Variants in FSIP2 observed in about 807,000 individuals in gnomAD.
FSIP2 encodes fibrous sheath interacting protein 2.
Under a neutral mutation model 510.5 loss-of-function variants are expected in FSIP2, and 367 were observed. The ratio of observed to expected loss-of-function variants is 0.72; its 90% CI spans 0.66 to 0.78. The LOEUF (loss-of-function observed/expected upper bound fraction) is 0.78. Among genes scored for constraint, FSIP2 ranks in the 30% least tolerant of loss-of-function variants. The pLI, the probability that FSIP2 is intolerant of heterozygous loss-of-function variation, is 0.00. For missense variants in FSIP2, 7,594 were observed against 7,901.7 expected, an observed-to-expected ratio of 0.96 and a Z score of 1.48; for synonymous variants, 2,601 against 2,732.2, an observed-to-expected ratio of 0.95 and a Z score of 1.50.
In FSIP2 at chr2:185,808,708, G is replaced by A; in HGVS notation, c.19402G>A (p.Asp6468Asn). The change falls in exon 17 of 23, where the codon GAT becomes AAT. Residue 6468 changes from aspartate to asparagine, a missense_variant. Physicochemically the swap from Asp to Asn is conservative, Grantham distance 23 (BLOSUM62 1). Transcript: ENST00000424728. ...IIDGVSSFPL[D>N]TINSTISNAD... is the part of the protein sequence containing the mutation. ...TGATGGAGTTTCAAGTTTTCCATTA[G>A]ATACAATTAACTCAACAATTTCAAA... The A allele has an allele frequency of 1.2e-6, 2 of 1,611,720 alleles. No homozygotes were observed. The highest frequency in any genetic ancestry group is 1.7e-6 in the Non-Finnish European group (2 of 1,178,772).
At position 185,803,818 on chromosome 2, in the gene FSIP2, T is replaced by C; in HGVS notation, c.14512T>C (p.Ser4838Pro). The change falls in exon 17 of 23, where the codon TCA becomes CCA. Residue 4838 changes from serine (S) to proline (P), a missense_variant. Physicochemically the swap from Ser to Pro is moderately conservative, Grantham distance 74. Coordinates refer to ENST00000424728, the MANE Select transcript of FSIP2 (RefSeq NM_173651.4). Reference protein sequence around the residue: ...KLINEIMSIISKHEICIIKYG... With the variant: ...KLINEIMSIIPKHEICIIKYG... Reference sequence around the variant, plus strand: ...GATAAATGAAATTATGTCAATAATTTCAAAACATGAAATATGTATTATTAA... The same window carrying C: ...GATAAATGAAATTATGTCAATAATTCCAAAACATGAAATATGTATTATTAA... 6.6e-7 allele frequency: 1 copy of C among 1,507,628 alleles called. No individual in the cohort carries two copies. Among genetic ancestry groups the C allele is most frequent in the Non-Finnish European group, 8.8e-7 (1 of 1,130,936 alleles). The allele number at this position is 1,507,628 out of a possible 1,614,324, so 93.4% of individuals were successfully genotyped here. A position where few individuals can be genotyped will look rare whatever the true frequency, so the allele number is the denominator to read the frequency against.
chr2:185,759,637 ATTG>A (rs1268210477), intron 9 of FSIP2, among the ~76,000 whole-genome samples: 3 of 146,114 alleles, frequency 2.1e-5, no homozygotes, highest in Non-Finnish European at 3.0e-5. Context: ...TATTAATAAT[ATTG>A]TTATATATTA....
chr2:185,784,965 C>T (rs1692933308), intron 14 of FSIP2, among the ~76,000 whole-genome samples: 1 of 152,034 alleles, frequency 6.6e-6, no homozygotes, highest in Non-Finnish European at 1.5e-5. Context: ...ATCAATGAAG[C>T]TTTTTCAGTT....
rs1574179993 is a variant in FSIP2, at chr2:185,789,035, G to C, written c.1899G>C (p.Leu633Phe). ...ISKHKYNKTNLLYSYPKLRSC... is the reference protein window; with the variant it reads ...ISKHKYNKTNFLYSYPKLRSC... ...AACATAAATATAATAAAACCAACTT[G>C]CTATATTCATACCCTAAGCTCAGAA... Residue 633 changes from leucine (L) to phenylalanine (F), a missense_variant, in exon 16 of 23, where the codon TTG becomes TTC. Leu to Phe is a conservative substitution (Grantham distance 22). Coordinates refer to ENST00000424728, the MANE Select transcript of FSIP2 (RefSeq NM_173651.4). 6.5e-7 allele frequency: 1 copy of C among 1,533,824 alleles called. No homozygotes were observed. The highest frequency in any genetic ancestry group is 1.4e-5 in the African/African-American group (1 of 72,850).
Position 185,813,773 on chromosome 2 carries a change from C to A in FSIP2, c.20056C>A (p.Gln6686Lys). Residue 6686 changes from glutamine (Q) to lysine (K), a missense_variant, in exon 18 of 23, where the codon CAA (glutamine) becomes AAA (lysine). Physicochemically the swap from Gln to Lys is moderately conservative, Grantham distance 53 (BLOSUM62 1). Transcript: ENST00000424728. ...KEEGIKVFED[Q>K]VKEVKKPIQS... ...AGAAGGCATCAAAGTATTTGAAGAT[C>A]AAGTGAAAGAAGTCAAGAAGCCAAT... 6.2e-7 allele frequency: 1 copy of A among 1,613,166 alleles called. No homozygotes were observed. Among genetic ancestry groups the A allele is most frequent in the South Asian group, 1.1e-5 (1 of 91,046 alleles).
Position 185,804,292 on chromosome 2 carries a change from T to C in FSIP2, c.14986T>C (p.Phe4996Leu). The C allele has an allele frequency of 6.6e-7, 1 of 1,524,912 alleles. No individual in the cohort carries two copies. The highest frequency in any genetic ancestry group is 1.2e-5 in the South Asian group (1 of 81,680). The allele number at this position is 1,524,912 out of a possible 1,614,324, so 94.5% of individuals were successfully genotyped here. ...ATTGGTAAATTCAATTGTTCTGGAG[T>C]TCACCACATCAGAGATTTTAGTTGC... is the stretch of plus-strand genomic sequence containing the variant. The part of the protein sequence containing the change: ...TTLVNSIVLE[F>L]TTSEILVADN... Residue 4996 changes from phenylalanine (F) to leucine (L), a missense_variant, in exon 17 of 23, where the codon TTC (phenylalanine) becomes CTC (leucine). Phe to Leu is a conservative substitution (Grantham distance 22). Coordinates refer to ENST00000424728, the MANE Select transcript of FSIP2 (RefSeq NM_173651.4).
intron 19 of FSIP2, among the ~76,000 whole-genome samples, chr2:185,820,392 C>A (rs1207809580): frequency 6.6e-6 from 1 of 151,810 alleles, no homozygotes; most frequent in Non-Finnish European, 1.5e-5. Flanking sequence ...ATTACCCAGT[C>A]TCAGGCAGAC....
Position 185,808,353 on chromosome 2 carries a change from A to G in FSIP2, c.19047A>G (p.Glu6349=). Residue 6349 remains glutamate, a synonymous_variant, in exon 17 of 23, where the codon GAA becomes GAG. Transcript: ENST00000424728. ...KGLTLDAKLL[E]EVLALFLAKL... ...TGACATTAGATGCCAAACTTTTAGA[A>G]GAGGTGTTGGCCTTGTTCTTGGCTA... 1 of 1,611,248 alleles carries G rather than the reference A, an allele frequency of 6.2e-7. No homozygotes were observed. Among genetic ancestry groups the G allele is most frequent in the Non-Finnish European group, 8.5e-7 (1 of 1,179,058 alleles).
chr2:185,767,662 T>G (rs1692517339), intron 13 of FSIP2, among the ~76,000 whole-genome samples: 1 of 152,174 alleles, frequency 6.6e-6, no homozygotes, highest in Non-Finnish European at 1.5e-5. Flanking sequence ...TATCTGTCTG[T>G]CTGTCTGTCT....
rs1010176379 is a variant in FSIP2 at position 185,804,848 on chromosome 2, G to T, written c.15542G>T (p.Ser5181Ile). 1 of 1,530,630 alleles carries T rather than the reference G, an allele frequency of 6.5e-7. No individual in the cohort carries two copies. The highest frequency in any genetic ancestry group is 8.7e-7 in the Non-Finnish European group (1 of 1,144,256). 94.8% of individuals were successfully genotyped at this position (1,530,630 alleles called of 1,614,324 possible). The change falls in exon 17 of 23, where the codon AGT becomes ATT. Residue 5181 changes from serine to isoleucine, a missense_variant. Transcript: ENST00000424728. ...TCCATGGCAGAGGATAATGCAGAAA[G>T]TATGCAGTTAGAACCTATTGAAAAT... Reference protein sequence around the residue: ...RLSMAEDNAESMQLEPIENLV... With the variant: ...RLSMAEDNAEIMQLEPIENLV...
chr2:185,829,720 T>C (rs1318000729), intron 21 of FSIP2, among the ~76,000 whole-genome samples: 3 of 151,912 alleles, frequency 2.0e-5, no homozygotes, highest in Admixed American at 6.6e-5. Flanking sequence ...CTGAGGATTA[T>C]TGATTGAACT....
Position 185,807,799 on chromosome 2 carries a change from C to A in FSIP2, c.18493C>A (p.Leu6165Ile), listed in dbSNP as rs2105655418. 1 of 1,612,570 alleles carries A rather than the reference C, an allele frequency of 6.2e-7. No homozygotes were observed. The highest frequency in any genetic ancestry group is 8.5e-7 in the Non-Finnish European group (1 of 1,179,204). ...TGTTTTCCAAACTACTGATGTGCCC[C>A]TACCTAAACCTTCACATGCTGATAA... is the stretch of plus-strand genomic sequence containing the variant. ...KDVFQTTDVPLPKPSHADKLS... is the reference protein window; with the variant it reads ...KDVFQTTDVPIPKPSHADKLS... Residue 6165 changes from leucine to isoleucine, a missense_variant, in exon 17 of 23, where the codon CTA (leucine) becomes ATA (isoleucine). Physicochemically the swap from Leu to Ile is conservative, Grantham distance 5. Coordinates refer to ENST00000424728, the MANE Select transcript of FSIP2 (RefSeq NM_173651.4).
In FSIP2 at chr2:185,792,297, G is replaced by A. The variant is rs1693154787; in HGVS notation, c.5161G>A (p.Ala1721Thr). Residue 1721 changes from alanine to threonine, a missense_variant, in exon 16 of 23, where the codon GCT (alanine) becomes ACT (threonine). Physicochemically the swap from Ala to Thr is moderately conservative, Grantham distance 58. Coordinates refer to ENST00000424728, the MANE Select transcript of FSIP2 (RefSeq NM_173651.4). ...RPTYGSLPGG[A>T]ESDSFLEDDA... ...AACATATGGAAGTCTTCCTGGAGGA[G>A]CTGAATCAGATTCATTTCTAGAAGA... is the stretch of plus-strand genomic sequence containing the variant. 5.2e-6 allele frequency: 8 copies of A among 1,531,462 alleles called. No individual in the cohort carries two copies. The East Asian group carries it at 1.5e-4, about 28-fold the overall frequency. The allele number at this position is 1,531,462 out of a possible 1,614,324, so 94.9% of individuals were successfully genotyped here. A position where few individuals can be genotyped will look rare whatever the true frequency, so the allele number is the denominator to read the frequency against.
In FSIP2 at chr2:185,789,787, T is replaced by C; in HGVS notation, c.2651T>C (p.Val884Ala). ...SLESDEASLIVNEEVQNLISN... is the reference protein window; with the variant it reads ...SLESDEASLIANEEVQNLISN... ...GAATCTGATGAAGCTAGTTTAATTG[T>C]CAATGAAGAAGTACAAAATTTAATA... is the stretch of plus-strand genomic sequence containing the variant. Residue 884 changes from valine (V) to alanine (A), a missense_variant, in exon 16 of 23, where the codon GTC becomes GCC. By Grantham distance (64) the Val-to-Ala change is moderately conservative. Coordinates refer to ENST00000424728, the MANE Select transcript of FSIP2 (RefSeq NM_173651.4). 6.5e-7 allele frequency: 1 copy of C among 1,534,078 alleles called. No homozygotes were observed. The highest frequency in any genetic ancestry group is 1.4e-5 in the African/African-American group (1 of 73,042).
intron 8 of FSIP2, among the ~76,000 whole-genome samples, chr2:185,755,226 A>G (rs1692221294): frequency 6.6e-6 from 1 of 151,532 alleles, no homozygotes; most frequent in Admixed American, 6.6e-5. Context: ...TGTCTTAATC[A>G]TTTATAATAG....
Position 185,824,427 on chromosome 2 carries a change from G to A in FSIP2, c.20427-7G>A. On this transcript the variant is annotated splice_polypyrimidine_tract_variant and splice_region_variant and intron_variant, in intron 19 of 22. Transcript: ENST00000424728. ...CCCTAAATGATGTTCTTTTTCTTTT[G>A]TTTTAGTGAGGCTGAAGATTGTCAC... is the stretch of plus-strand genomic sequence containing the variant. 2 of 1,578,932 alleles carry A rather than the reference G, an allele frequency of 1.3e-6. No individual in the cohort carries two copies. Among genetic ancestry groups the A allele is most frequent in the Non-Finnish European group, 8.6e-7 (1 of 1,158,724 alleles).
chr2:185,771,194 C>T (rs1692600783), intron 13 of FSIP2, among the ~76,000 whole-genome samples: 1 of 152,146 alleles, frequency 6.6e-6, no homozygotes, highest in African/African-American at 2.4e-5. Flanking sequence ...GGTGGCTGTA[C>T]CATGCTGGGA....
chr2:185,765,121 C>T (rs1018361775), intron 13 of FSIP2: 2 of 151,928 alleles, frequency 1.3e-5, no homozygotes, highest in African/African-American at 4.8e-5. Flanking sequence ...GGTTTTTCAA[C>T]TTTACTGTCG....
At chr2:185,824,326 C>G (rs548017619) in intron 19 of FSIP2, 108 bp from the exon 20 acceptor site, 2 of 736,932 alleles carry the variant, frequency 2.7e-6, no homozygotes, top group Non-Finnish European at 2.4e-6. Flanking sequence ...GAATAGTATA[C>G]TATTTCAGGT....
Sources: gnomAD v4.1 joint callset for allele counts (sites outside exome capture counted in the v4.1 genomes callset) on GRCh38, gnomAD v4.1.1 for gene constraint, MANE v1.5 for transcripts, NCBI Gene and HGNC (gene_info 2026-07-23, HGNC 2026-07-21) for gene names.